The following IRS2 variants were observed in gnomAD, a reference collection of about 807,000 sequenced individuals.
IRS2 encodes the protein insulin receptor substrate 2.
A neutral mutation model predicts 70.9 loss-of-function variants in IRS2; 28 were observed. That is an observed-to-expected ratio of 0.39 (90% confidence interval 0.29 to 0.54). The LOEUF (loss-of-function observed/expected upper bound fraction) is 0.54, where lower values mean the gene tolerates loss of function less well. Among genes scored for constraint, IRS2 ranks in the 20% least tolerant of loss-of-function variants. IRS2 has a pLI of 0.59. For missense variants in IRS2, 2,081 were observed against 2,024.1 expected (o/e 1.03, Z -0.54); for synonymous variants, 1,217 against 981.9 (o/e 1.24, Z -4.48).
At chr13:109,762,700 C>T (rs976849277) in intron 1 of IRS2, among the ~76,000 whole-genome samples, 3 of 152,226 alleles carry the variant, frequency 2.0e-5, no homozygotes, top group Non-Finnish European at 4.4e-5. Context: ...CAGGCCCTGC[C>T]TTCTCACCTC....
intron 1 of IRS2, among the ~76,000 whole-genome samples, chr13:109,757,978 G>A (rs914215436): frequency 2.0e-5 from 3 of 152,082 alleles, no homozygotes; most frequent in Non-Finnish European, 2.9e-5. Context: ...CACTGCGGCC[G>A]GCCTATCTTG....
At chr13:109,761,937 T>G (rs747581662) in intron 1 of IRS2, among the ~76,000 whole-genome samples, 4 of 152,192 alleles carry the variant, frequency 2.6e-5, no homozygotes, top group Non-Finnish European at 4.4e-5. Flanking sequence ...ACAGGCTGGA[T>G]TTAGTAAAAG....
intron 1 of IRS2, among the ~76,000 whole-genome samples, chr13:109,767,114 C>T (rs1877352499): frequency 1.3e-5 from 2 of 152,138 alleles, no homozygotes; most frequent in South Asian, 2.1e-4. Flanking sequence ...AGCCTAGAAA[C>T]GTGGGCCCCA....
At chr13:109,756,333 G>A (rs2138908397) in intron 1 of IRS2, 25 bp from the exon 2 acceptor site, 1 of 1,610,494 alleles carries the variant, frequency 6.2e-7, no homozygotes, top group Non-Finnish European at 8.5e-7. Flanking sequence ...AGGGAAGTTA[G>A]CAGAGACCCT....
In IRS2 at chr13:109,783,743, G is replaced by A. The variant is rs752169439; in HGVS notation, c.2311C>T (p.Pro771Ser). 4 of 1,588,024 alleles carry A rather than the reference G, an allele frequency of 2.5e-6. No individual in the cohort carries two copies. The highest frequency in any genetic ancestry group is 1.8e-5 in the Admixed American group (1 of 57,102). The change falls in exon 1 of 2, where the codon CCC (proline) becomes TCC (serine). Residue 771 changes from proline to serine, a missense_variant. By Grantham distance (74) the Pro-to-Ser change is moderately conservative. Around this residue, in one of 4 missense-constraint regions of IRS2, gnomAD observed 1,615 missense variants for 1,459.5 expected, o/e 1.11. Coordinates refer to ENST00000375856, the MANE Select transcript of IRS2 (RefSeq NM_003749.3). ...GTGCCCGTGGTGACCGCGTCGCTGGGGGACACGTTGAGGTAGTCCCCGTTG... is the reference window on the plus strand; with the variant it reads ...GTGCCCGTGGTGACCGCGTCGCTGGAGGACACGTTGAGGTAGTCCCCGTTG... Reference protein sequence around the residue: ...LPNGDYLNVSPSDAVTTGTPP... With the variant: ...LPNGDYLNVSSSDAVTTGTPP...
chr13:109,782,238 C>A lies in IRS2; in HGVS notation c.3816G>T (p.Pro1272=), dbSNP rs1397142358. Residue 1272 remains proline (P), a synonymous_variant, in exon 1 of 2, where the codon CCG becomes CCT. Transcript: ENST00000375856. ...TGTCTCCCGGCTGAGGAAGCGGCGG[C>A]GGCGGCGGCTGCGGCTGGGGTGGCA... ...PGLPPQPQPP[P]PPLPQPGDKS... is the part of the protein sequence containing the mutation. 1 of 1,607,352 alleles carries A rather than the reference C, an allele frequency of 6.2e-7. No individual in the cohort carries two copies. Among genetic ancestry groups the A allele is most frequent in the Non-Finnish European group, 8.5e-7 (1 of 1,177,398 alleles).
Position 109,783,069 on chromosome 13 carries a change from G to A in IRS2, c.2985C>T (p.Ser995=), listed in dbSNP as rs933787271. ...CGTCCAAGGAGCCCACGGGGTGGCCGCTCGGGGCGCCCGGCTTAGGAGACT... is the reference window on the plus strand; with the variant it reads ...CGTCCAAGGAGCCCACGGGGTGGCCACTCGGGGCGCCCGGCTTAGGAGACT... ...SPKSPKPGAP[S]GHPVGSLDGL... The change falls in exon 1 of 2, where the codon AGC becomes AGT. Residue 995 remains serine (S), a synonymous_variant. Coordinates refer to ENST00000375856, the MANE Select transcript of IRS2 (RefSeq NM_003749.3). 3.6e-6 allele frequency: 5 copies of A among 1,378,904 alleles called. No homozygotes were observed. The highest frequency in any genetic ancestry group is 4.7e-6 in the Non-Finnish European group (5 of 1,072,402). The allele number at this position is 1,378,904 out of a possible 1,614,324, so 85.4% of individuals were successfully genotyped here.
In IRS2 at chr13:109,783,563, C is replaced by T. The variant is rs2138933009; in HGVS notation, c.2491G>A (p.Gly831Arg). 6.5e-7 allele frequency: 1 copy of T among 1,549,728 alleles called. No homozygotes were observed. Among genetic ancestry groups the T allele is most frequent in the Non-Finnish European group, 8.7e-7 (1 of 1,146,632 alleles). Residue 831 changes from glycine to arginine, a missense_variant, in exon 1 of 2, where the codon GGG (glycine) becomes AGG (arginine). This residue lies in a region of IRS2 where 1,615 missense variants were observed against 1,459.5 expected (regional missense o/e 1.11). Transcript: ENST00000375856. ...DQYVLMSSPV[G>R]RILEEERLEP... Reference sequence around the variant, plus strand: ...AGACGCTCCTCCTCCAGGATGCGCCCCACGGGGGAGCTCATGAGCACGTAC... The same window carrying T: ...AGACGCTCCTCCTCCAGGATGCGCCTCACGGGGGAGCTCATGAGCACGTAC...
At chr13:109,762,738 G>C (rs906288670) in intron 1 of IRS2, among the ~76,000 whole-genome samples, 3 of 152,178 alleles carry the variant, frequency 2.0e-5, no homozygotes, top group African/African-American at 7.2e-5. Context: ...GCAGCCTGCT[G>C]GTCAGGTCCT....
At chr13:109,757,669 A>G (rs1031394023) in intron 1 of IRS2, among the ~76,000 whole-genome samples, 7 of 152,074 alleles carry the variant, frequency 4.6e-5, no homozygotes, top group African/African-American at 1.2e-4. Flanking sequence ...TGTTTTATCT[A>G]TTTTATTTAT....
At chr13:109,769,355 G>A (rs2138918433) in intron 1 of IRS2, among the ~76,000 whole-genome samples, 1 of 152,282 alleles carries the variant, frequency 6.6e-6, no homozygotes, top group African/African-American at 2.4e-5. Flanking sequence ...GGCTGGCCGG[G>A]CTCAATTCCT....
chr13:109,767,877 C>T (rs1349898415), intron 1 of IRS2, among the ~76,000 whole-genome samples: 1 of 152,046 alleles, frequency 6.6e-6, no homozygotes, highest in African/African-American at 2.4e-5. Context: ...GGACTACAGG[C>T]ATGCGCCACC....
chr13:109,778,093 T>C (rs1395395047), intron 1 of IRS2, among the ~76,000 whole-genome samples: 1 of 152,254 alleles, frequency 6.6e-6, no homozygotes, highest in African/African-American at 2.4e-5. Context: ...TATCAACAAC[T>C]GGATTTATTA....
chr13:109,773,673 G>A (rs770083966), intron 1 of IRS2, among the ~76,000 whole-genome samples: 5 of 152,138 alleles, frequency 3.3e-5, no homozygotes, highest in Non-Finnish European at 7.4e-5. Context: ...ACATAGTCAT[G>A]AACAGCCATA....
rs1877038271 is a variant in IRS2 at position 109,753,485 on chromosome 13, T to C, written c.*2819A>G. Reference sequence around the variant, plus strand: ...ACAAGTCTCTTAGCATTTTTGTACCTCGGGCTCCTCCTCTGTAGAATGAGG... The same window carrying C: ...ACAAGTCTCTTAGCATTTTTGTACCCCGGGCTCCTCCTCTGTAGAATGAGG... On this transcript the variant is annotated 3_prime_UTR_variant, in exon 2 of 2. Transcript: ENST00000375856. The C allele has an allele frequency of 6.6e-6, 1 of 152,252 alleles. No individual in the cohort carries two copies. The highest frequency in any genetic ancestry group is 1.5e-5 in the Non-Finnish European group (1 of 68,090). 9.4% of individuals were successfully genotyped at this position (152,252 alleles called of 1,614,324 possible).
chr13:109,757,962 G>A (rs375429015), intron 1 of IRS2, among the ~76,000 whole-genome samples: 6 of 152,318 alleles, frequency 3.9e-5, no homozygotes, highest in East Asian at 1.9e-4. Context: ...GATTACAGGC[G>A]TGGGCCACTG....
Position 109,782,198 on chromosome 13 carries a change from G to C in IRS2, c.3856C>G (p.Arg1286Gly), listed in dbSNP as rs1196590775. The change falls in exon 1 of 2, where the codon CGG (arginine) becomes GGG (glycine). Residue 1286 changes from arginine to glycine, a missense_variant. Around this residue, in one of 4 missense-constraint regions of IRS2, gnomAD observed 1,615 missense variants for 1,459.5 expected, o/e 1.11. Coordinates refer to ENST00000375856, the MANE Select transcript of IRS2 (RefSeq NM_003749.3). Reference protein sequence around the residue: ...PQPGDKSSWGRTRSLGGLISA... With the variant: ...PQPGDKSSWGGTRSLGGLISA... ...ATGAGACCCCCGAGGCTTCGGGTCCGGCCCCAGGAGCTCTTGTCTCCCGGC... is the reference window on the plus strand; with the variant it reads ...ATGAGACCCCCGAGGCTTCGGGTCCCGCCCCAGGAGCTCTTGTCTCCCGGC... The C allele has an allele frequency of 6.2e-7, 1 of 1,605,892 alleles. No homozygotes were observed. The highest frequency in any genetic ancestry group is 1.7e-5 in the Admixed American group (1 of 59,126).
At chr13:109,761,542 A>T (rs556013553) in intron 1 of IRS2, among the ~76,000 whole-genome samples, 1 of 152,104 alleles carries the variant, frequency 6.6e-6, no homozygotes, top group East Asian at 1.9e-4. Flanking sequence ...TAAACCCGAT[A>T]ATTTAGTATC....
intron 1 of IRS2, among the ~76,000 whole-genome samples, 154 bp downstream of exon 1, chr13:109,781,888 G>A (rs1444668402): frequency 6.6e-6 from 1 of 152,212 alleles, no homozygotes; most frequent in Non-Finnish European, 1.5e-5. Context: ...GAAGAGAACA[G>A]GGCAGCCCGC....
Sources: allele counts gnomAD v4.1 joint callset (sites outside exome capture counted in the v4.1 genomes callset), GRCh38; gene constraint gnomAD v4.1.1; regional missense constraint gnomAD v4.1.1; transcripts MANE v1.5; gene names NCBI Gene and HGNC (gene_info 2026-07-23, HGNC 2026-07-21).